PCCA: variants seen among roughly 807,000 people sequenced by gnomAD.
The protein encoded by PCCA is propionyl-CoA carboxylase alpha chain, mitochondrial.
A neutral mutation model predicts 101.3 loss-of-function variants in PCCA; 74 were observed. That is an observed-to-expected ratio of 0.73 (90% CI 0.61 to 0.89). The LOEUF is 0.89. Ranked by LOEUF, PCCA falls within the 40% of genes least tolerant of loss-of-function variation. The pLI is 0.00. For missense variants in PCCA, 891 were observed against 907.0 expected, an observed-to-expected ratio of 0.98 and a Z score of 0.23; for synonymous variants, 294 against 313.6, an observed-to-expected ratio of 0.94 and a Z score of 0.66.
chr13:100,524,498 G>A (rs1404741609), intron 22 of PCCA, among the ~76,000 whole-genome samples: 3 of 151,802 alleles, frequency 2.0e-5, no homozygotes, highest in Non-Finnish European at 4.4e-5. Flanking sequence ...ATCTCTTAGG[G>A]ATGAATTAGG....
chr13:100,093,319 G>A (rs2046444385), intron 1 of PCCA, among the ~76,000 whole-genome samples: 1 of 152,110 alleles, frequency 6.6e-6, no homozygotes, highest in Non-Finnish European at 1.5e-5. Context: ...ATATTTAATT[G>A]AATAAATGCT....
At chr13:100,141,017 C>T (rs908914551) in intron 4 of PCCA, among the ~76,000 whole-genome samples, 6 of 152,186 alleles carry the variant, frequency 3.9e-5, no homozygotes, top group African/African-American at 7.2e-5. Flanking sequence ...TTGAATGACT[C>T]AACTGCAGTA....
In PCCA at chr13:100,520,551, C is replaced by G. The variant is rs1294439343; in HGVS notation, c.2040+4984C>G. 2.1e-5 allele frequency among the ~76,000 whole-genome samples: 3 copies of G among 140,626 alleles called. No individual in the cohort carries two copies. The Admixed American group carries it at 2.4e-4, about 11-fold the overall frequency. 92.3% of individuals were successfully genotyped at this position (140,626 alleles called of 152,430 possible). On this transcript the variant is annotated intron_variant, in intron 22 of 23. Coordinates refer to ENST00000376285, the MANE Select transcript of PCCA (RefSeq NM_000282.4). ...TCGGGAGGCTGAGGCAGGAGAATGGCGTGAACCCGGAAGGCGGAGCTTGCA... is the reference window on the plus strand; with the variant it reads ...TCGGGAGGCTGAGGCAGGAGAATGGGGTGAACCCGGAAGGCGGAGCTTGCA...
rs371232723 is a variant in PCCA, at chr13:100,108,511, G to A, written c.184-3330G>A. Among the ~76,000 whole-genome samples, 11 of 151,998 alleles carry A rather than the reference G, an allele frequency of 7.2e-5. No homozygotes were observed. The East Asian group carries it at 1.5e-3, about 21-fold the overall frequency. ...TACAACTCTCCTAAGCATACCATGCGCTTCAGTCATATTGAGAATTCCTTG... is the reference window on the plus strand; with the variant it reads ...TACAACTCTCCTAAGCATACCATGCACTTCAGTCATATTGAGAATTCCTTG... On this transcript the variant is annotated intron_variant, in intron 2 of 23. Coordinates refer to ENST00000376285, the MANE Select transcript of PCCA (RefSeq NM_000282.4).
chr13:100,303,616 C>CAT (rs58706151), intron 14 of PCCA, among the ~76,000 whole-genome samples: 4,405 of 147,100 alleles, frequency 0.03, 122 homozygotes, highest in African/African-American at 0.068. Context: ...GTAATAAGTG[C>CAT]ATATATATAT....
intron 21 of PCCA, among the ~76,000 whole-genome samples, chr13:100,458,333 A>ACG (rs2081908378): frequency 1.8e-5 from 2 of 109,886 alleles, no homozygotes; most frequent in African/African-American, 6.4e-5. Context: ...ACACACACAC[A>ACG]CACACACACA....
chr13:100,522,459 A>G (rs1315283338), intron 22 of PCCA, among the ~76,000 whole-genome samples: 1 of 152,188 alleles, frequency 6.6e-6, no homozygotes, highest in Non-Finnish European at 1.5e-5. Flanking sequence ...GGAAAGCCAT[A>G]TGCCACTGGC....
chr13:100,400,940 A>G (rs962958483), intron 19 of PCCA, among the ~76,000 whole-genome samples: 6 of 151,842 alleles, frequency 4.0e-5, no homozygotes, highest in Admixed American at 1.3e-4. Flanking sequence ...TTAGTTCTCT[A>G]TGTTAGAGGT....
Position 100,370,996 on chromosome 13 carries a change from T to C in PCCA, c.1746+2422T>C, listed in dbSNP as rs374717012. On this transcript the variant is annotated intron_variant, in intron 19 of 23. Transcript: ENST00000376285. Reference sequence around the variant, plus strand: ...ACATTTCCAGAGTTCTTCTGTTTAATTTTTAGGAGTTTAAATTATAAGATA... The same window carrying C: ...ACATTTCCAGAGTTCTTCTGTTTAACTTTTAGGAGTTTAAATTATAAGATA... Among the ~76,000 whole-genome samples, 165 of 152,294 alleles carry C rather than the reference T, an allele frequency of 1.1e-3. 6 individuals are homozygous for C. The South Asian group carries it at 0.031, about 29-fold the overall frequency.
intron 19 of PCCA, among the ~76,000 whole-genome samples, chr13:100,421,843 C>T (rs553390581): frequency 3.9e-5 from 6 of 152,150 alleles, no homozygotes; most frequent in African/African-American, 1.2e-4. Context: ...CACTACCATG[C>T]CCGGCTAATT....
rs1338863786 is a variant in PCCA at position 100,479,938 on chromosome 13, G to C, written c.1899+30633G>C. On this transcript the variant is annotated intron_variant, in intron 21 of 23. Transcript: ENST00000376285. ...TTGTTAGAGGAGAAGGTACCCCCTT[G>C]CCTACCTGTTCTTTTCTTACTTCAT... Among the ~76,000 whole-genome samples the C allele has an allele frequency of 3.3e-5, 5 of 152,172 alleles. No homozygotes were observed. The East Asian group carries it at 9.6e-4, about 29-fold the overall frequency.
intron 21 of PCCA, among the ~76,000 whole-genome samples, chr13:100,452,048 TCCTCTCTCCTCTTCCTCCTCTC>T (rs1252872719): frequency 5.2e-4 from 15 of 28,844 alleles, no homozygotes; most frequent in Admixed American, 2.9e-3. Context: ...TTCCTCCTCT[TCCTCTCTCCTCTTCCTCCTCTC>T]CCTCTCTCCT....
At chr13:100,339,103 C>T (rs900199030) in intron 17 of PCCA, among the ~76,000 whole-genome samples, 1 of 152,062 alleles carries the variant, frequency 6.6e-6, no homozygotes, top group African/African-American at 2.4e-5. Flanking sequence ...TTACATATAA[C>T]TTAGACATAT....
At chr13:100,212,100 T>C (rs1298866175) in intron 7 of PCCA, among the ~76,000 whole-genome samples, 1 of 152,230 alleles carries the variant, frequency 6.6e-6, no homozygotes, top group African/African-American at 2.4e-5. Flanking sequence ...CAGGATTACA[T>C]ATCCAGTTGC....
intron 6 of PCCA, among the ~76,000 whole-genome samples, chr13:100,187,635 T>C (rs1325644235): frequency 6.6e-6 from 1 of 152,206 alleles, no homozygotes; most frequent in Non-Finnish European, 1.5e-5. Context: ...TAATTATTTT[T>C]TAAAATTGTT....
chr13:100,469,945 T>C (rs1355083119), intron 21 of PCCA, among the ~76,000 whole-genome samples: 2 of 152,168 alleles, frequency 1.3e-5, no homozygotes, highest in African/African-American at 2.4e-5. Flanking sequence ...ACCTGGGGAT[T>C]TCCAAATCTG....
intron 4 of PCCA, among the ~76,000 whole-genome samples, chr13:100,132,028 G>C (rs2050567211): frequency 6.6e-6 from 1 of 152,102 alleles, no homozygotes; most frequent in African/African-American, 2.4e-5. Context: ...AGCTGGGAGA[G>C]GACAATACTA....
rs576321817 is a variant in PCCA, at chr13:100,337,466, A to G, written c.1541-2691A>G. ...GGCCGCAGGGGAACTTGCAGAAGTC[A>G]AGTCCACTCTGGCCTGTGATCAGGA... On this transcript the variant is annotated intron_variant, in intron 17 of 23. Coordinates refer to ENST00000376285, the MANE Select transcript of PCCA (RefSeq NM_000282.4). Among the ~76,000 whole-genome samples, 3 of 152,328 alleles carry G rather than the reference A, an allele frequency of 2.0e-5. No homozygotes were observed. The East Asian group carries it at 5.8e-4, about 29-fold the overall frequency.
chr13:100,198,225 G>A (rs1325793554), intron 6 of PCCA: 2 of 152,250 alleles, frequency 1.3e-5, no homozygotes, highest in Admixed American at 1.3e-4. Flanking sequence ...TACTGGTGCA[G>A]GTGGCCTGAT....
Sources: allele counts gnomAD v4.1 joint callset (sites outside exome capture counted in the v4.1 genomes callset), GRCh38; gene constraint gnomAD v4.1.1; transcripts MANE v1.5; gene names NCBI Gene and HGNC (gene_info 2026-07-23, HGNC 2026-07-21).